Variants in TCN2 observed in about 807,000 individuals in gnomAD.
The protein encoded by TCN2 is transcobalamin-2.
In TCN2, 34 loss-of-function variants were observed where a neutral mutation model predicts 48.6. That is an observed-to-expected ratio of 0.70 (90% CI 0.53 to 0.93). The LOEUF (loss-of-function observed/expected upper bound fraction) is 0.93. Ranked by LOEUF, TCN2 falls within the 40% of genes least tolerant of loss-of-function variation. TCN2 has a pLI of 0.00. For synonymous variants in TCN2, 283 were observed against 212.5 expected, an observed-to-expected ratio of 1.33 and a Z score of -2.89; for missense variants, 652 against 526.1, an observed-to-expected ratio of 1.24 and a Z score of -2.34.
intron 7 of TCN2, among the ~76,000 whole-genome samples, chr22:30,621,886 C>T (rs1051977008): frequency 1.3e-5 from 2 of 152,244 alleles, no homozygotes; most frequent in Admixed American, 1.3e-4. Context: ...CTCCCTTCTC[C>T]TCTGGCAAAT....
At chr22:30,613,480 T>C (rs1267755019) in intron 3 of TCN2, among the ~76,000 whole-genome samples, 1 of 152,122 alleles carries the variant, frequency 6.6e-6, no homozygotes, top group Non-Finnish European at 1.5e-5. Flanking sequence ...GGTTTCTCCA[T>C]GTTGGTCAGG....
chr22:30,612,567 TAAAATA>T lies in TCN2; in HGVS notation c.258-301_258-296del, dbSNP rs2087557537. Reference sequence around the variant, plus strand: ...CTCTGTCTCAAAGAAAATAAATAAATAAAATAAAAAAATAAAAAAGGAGGGGGCATA... The same window carrying T: ...CTCTGTCTCAAAGAAAATAAATAAATAAAAAATAAAAAAGGAGGGGGCATA... On this transcript the variant is annotated intron_variant, in intron 2 of 8. Coordinates refer to ENST00000215838, the MANE Select transcript of TCN2 (RefSeq NM_000355.4). Among the ~76,000 whole-genome samples the T allele has an allele frequency of 2.0e-5, 3 of 151,338 alleles. No individual in the cohort carries two copies. The South Asian group carries it at 6.3e-4, about 32-fold the overall frequency.
intron 8 of TCN2, among the ~76,000 whole-genome samples, chr22:30,626,244 GTTT>G (rs1326200623): frequency 6.6e-6 from 1 of 152,096 alleles, no homozygotes; most frequent in African/African-American, 2.4e-5. Flanking sequence ...CCTGTCAGGT[GTTT>G]TTATTACCAG....
intron 6 of TCN2, among the ~76,000 whole-genome samples, chr22:30,617,103 G>A (rs560057203): frequency 1.6e-3 from 245 of 151,602 alleles, no homozygotes; most frequent in Admixed American, 3.6e-3. Context: ...GGGTGGTGGG[G>A]AATGAGGGAC....
At chr22:30,625,962 C>T (rs1377555059) in intron 8 of TCN2, among the ~76,000 whole-genome samples, 5 of 152,106 alleles carry the variant, frequency 3.3e-5, no homozygotes, top group Non-Finnish European at 7.4e-5. Context: ...CTCAAAGGGC[C>T]CTTTCAGTTC....
rs749709302 is a variant in TCN2 at position 30,607,231 on chromosome 22, C to G, written c.-101C>G. Reference sequence around the variant, plus strand: ...ATTAATCAGTGACAGGAAGCTGCGTCTCTCGGAGCGGTGACCAGCTGTGGT... The same window carrying G: ...ATTAATCAGTGACAGGAAGCTGCGTGTCTCGGAGCGGTGACCAGCTGTGGT... On this transcript the variant is annotated 5_prime_UTR_variant, in exon 1 of 9. Coordinates refer to ENST00000215838, the MANE Select transcript of TCN2 (RefSeq NM_000355.4). 3.1e-5 allele frequency: 39 copies of G among 1,269,998 alleles called. No homozygotes were observed. Among genetic ancestry groups the G allele is most frequent in the South Asian group, 4.8e-5 (4 of 83,966 alleles). The allele number at this position is 1,269,998 out of a possible 1,614,324, so 78.7% of individuals were successfully genotyped here. A position where few individuals can be genotyped will look rare whatever the true frequency, so the allele number is the denominator to read the frequency against.
chr22:30,613,023 G>C lies in TCN2; in HGVS notation c.408G>C (p.Glu136Asp), dbSNP rs886057396. 20 of 1,614,080 alleles carry C rather than the reference G, an allele frequency of 1.2e-5. No individual in the cohort carries two copies. The East Asian group carries it at 4.5e-4, about 36-fold the overall frequency. Reference protein sequence around the residue: ...RLVSQLKWFLEDEKRAIGHDH... With the variant: ...RLVSQLKWFLDDEKRAIGHDH... The stretch of plus-strand genomic sequence containing the variant: ...TCTCACAGCTCAAATGGTTCCTGGA[G>C]GATGAGAAGAGAGCCATTGGTGAGC... The change falls in exon 3 of 9, where the codon GAG becomes GAC. Residue 136 changes from glutamate to aspartate, a missense_variant. Physicochemically the swap from Glu to Asp is conservative, Grantham distance 45. Coordinates refer to ENST00000215838, the MANE Select transcript of TCN2 (RefSeq NM_000355.4).
chr22:30,621,283 G>A (rs373273897), intron 7 of TCN2, among the ~76,000 whole-genome samples: 3 of 151,892 alleles, frequency 2.0e-5, no homozygotes, highest in South Asian at 2.1e-4. Flanking sequence ...GTGACCCACC[G>A]CGCCCCACCT....
chr22:30,616,915 C>T (rs2087619845), intron 6 of TCN2, among the ~76,000 whole-genome samples: 1 of 152,224 alleles, frequency 6.6e-6, no homozygotes, highest in East Asian at 1.9e-4. Flanking sequence ...AGAGTGGGAT[C>T]TGGGAGAATG....
At position 30,626,343 on chromosome 22, in the gene TCN2, C is replaced by A. The variant is rs1157098535; in HGVS notation, c.1223-117C>A. 3.6e-6 allele frequency: 4 copies of A among 1,115,078 alleles called. No homozygotes were observed. The African/African-American group carries it at 4.6e-5, about 13-fold the overall frequency. The allele number at this position is 1,115,078 out of a possible 1,614,324, so 69.1% of individuals were successfully genotyped here. ...TAGGGAGGTTCCAGCTTCCCACCAC[C>A]AAGCCCCAGGTGGATTCTTACAGAC... On this transcript the variant is annotated intron_variant, in intron 8 of 8. Transcript: ENST00000215838.
chr22:30,615,936 T>C lies in TCN2; in HGVS notation c.940+149T>C, dbSNP rs16988855. On this transcript the variant is annotated intron_variant, in intron 6 of 8. Coordinates refer to ENST00000215838, the MANE Select transcript of TCN2 (RefSeq NM_000355.4). Reference sequence around the variant, plus strand: ...GGACACAGCAGCCAAAATGTGGTCATAGCTTCTAGAAGCTCACAGTGTGGG... The same window carrying C: ...GGACACAGCAGCCAAAATGTGGTCACAGCTTCTAGAAGCTCACAGTGTGGG... The C allele has an allele frequency of 0.055, 51,058 of 926,562 alleles. 5,148 individuals carry two copies. Among genetic ancestry groups the C allele is most frequent in the African/African-American group, 0.3 (18,407 of 61,234 alleles). 57.4% of individuals were successfully genotyped at this position (926,562 alleles called of 1,614,324 possible).
At chr22:30,615,220 A>G (rs1304709747) in intron 4 of TCN2, 81 bp from the exon 5 acceptor site, 1 of 1,498,616 alleles carries the variant, frequency 6.7e-7, no homozygotes, top group Non-Finnish European at 9.3e-7. Flanking sequence ...CCATAGCTAC[A>G]AGGGCCTGAC....
At chr22:30,614,594 C>T in intron 4 of TCN2, 93 bp downstream of exon 4, 6 of 1,551,888 alleles carry the variant, frequency 3.9e-6, no homozygotes, top group Middle Eastern at 2.1e-4. Flanking sequence ...CCCACACTCA[C>T]CTTTCCTTGG....
intron 4 of TCN2, 88 bp downstream of exon 4, chr22:30,614,589 A>T: frequency 2.6e-6 from 4 of 1,563,986 alleles, no homozygotes; most frequent in East Asian, 2.3e-5. Context: ...TGGCCCCCAC[A>T]CTCACCTTTC....
intron 8 of TCN2, among the ~76,000 whole-genome samples, chr22:30,624,326 A>T (rs529783814): frequency 6.6e-6 from 1 of 151,928 alleles, no homozygotes; most frequent in East Asian, 1.9e-4. Context: ...TGCCTGCCTC[A>T]GCCTCCCAAA....
At chr22:30,617,280 C>G (rs757429529) in intron 6 of TCN2, 50 bp from the exon 7 acceptor site, 1 of 1,612,550 alleles carries the variant, frequency 6.2e-7, no homozygotes, top group Admixed American at 1.7e-5. Context: ...ACAAATAATC[C>G]AGGCTCTCTG....
intron 8 of TCN2, among the ~76,000 whole-genome samples, chr22:30,624,051 C>CATATATGTAT (rs1569047255): frequency 3.7e-4 from 7 of 18,862 alleles, no homozygotes; most frequent in Non-Finnish European, 5.9e-4. Flanking sequence ...TATACACACA[C>CATATATGTAT]ACACACACAC....
chr22:30,618,909 A>G (rs1013077500), intron 7 of TCN2, among the ~76,000 whole-genome samples: 21 of 152,254 alleles, frequency 1.4e-4, no homozygotes, highest in East Asian at 3.9e-4. Context: ...AGCTGGGACT[A>G]TGGGCATGCA....
At chr22:30,615,550 G>GC in intron 5 of TCN2, 51 bp from the exon 6 acceptor site, 5 of 1,613,728 alleles carry the variant, frequency 3.1e-6, no homozygotes, top group East Asian at 2.2e-5. Context: ...GGAACACCTA[G>GC]CCCCTCCCTG....
Sources: gnomAD v4.1 joint callset for allele counts (sites outside exome capture counted in the v4.1 genomes callset) on GRCh38, gnomAD v4.1.1 for gene constraint, MANE v1.5 for transcripts, NCBI Gene and HGNC (gene_info 2026-07-23, HGNC 2026-07-21) for gene names.